The following CNTNAP2 variants were observed in gnomAD, a reference collection of about 807,000 sequenced individuals.
The protein encoded by CNTNAP2 is contactin associated protein 2.
In CNTNAP2, 98 loss-of-function variants were observed where a neutral mutation model predicts 155.2. The observed-to-expected ratio is 0.63, with a 90% CI of 0.54 to 0.75. The LOEUF (loss-of-function observed/expected upper bound fraction) is 0.75. CNTNAP2 is among the 30% of genes least tolerant of loss of function. CNTNAP2 has a pLI of 0.00. For synonymous variants in CNTNAP2, 651 were observed against 631.2 expected (o/e 1.03, Z -0.47); for missense variants, 1,727 against 1,688.1 (o/e 1.02, Z -0.40).
At chr7:146,642,629 G>A (rs1387978498) in intron 1 of CNTNAP2, among the ~76,000 whole-genome samples, 1 of 151,860 alleles carries the variant, frequency 6.6e-6, no homozygotes, top group Non-Finnish European at 1.5e-5. Context: ...ACGTGTGCAT[G>A]TGTCTTTATA....
In CNTNAP2 at chr7:147,518,900, G is replaced by A. The variant is rs888496392; in HGVS notation, c.1777+32859G>A. On this transcript the variant is annotated intron_variant, in intron 11 of 23. Coordinates refer to ENST00000361727, the MANE Select transcript of CNTNAP2 (RefSeq NM_014141.6). The stretch of plus-strand genomic sequence containing the variant: ...ACAAAAATTAGCAGGGAGTGGTGGC[G>A]GGCGCCTGTAGTTCCAGATACTCGG... 5.3e-5 allele frequency among the ~76,000 whole-genome samples: 8 copies of A among 151,708 alleles called. No homozygotes were observed. In the East Asian group the frequency reaches 5.9e-4, roughly 11 times the overall value.
chr7:146,425,564 G>A (rs1796075553), intron 1 of CNTNAP2, among the ~76,000 whole-genome samples: 2 of 152,140 alleles, frequency 1.3e-5, no homozygotes, highest in Non-Finnish European at 2.9e-5. Flanking sequence ...AGAAATTCAG[G>A]AAACTGGGCA....
intron 1 of CNTNAP2, among the ~76,000 whole-genome samples, chr7:146,757,122 C>T (rs1041841631): frequency 1.1e-4 from 17 of 151,966 alleles, no homozygotes; most frequent in South Asian, 2.1e-4. Context: ...AGAACAAATG[C>T]GATGACATAA....
At chr7:147,926,942 G>C (rs1461661165) in intron 14 of CNTNAP2, among the ~76,000 whole-genome samples, 1 of 152,096 alleles carries the variant, frequency 6.6e-6, no homozygotes, top group Non-Finnish European at 1.5e-5. Flanking sequence ...TAATTGCATA[G>C]TTAGTTACAA....
At chr7:147,330,831 T>C (rs1795550712) in intron 9 of CNTNAP2, among the ~76,000 whole-genome samples, 1 of 152,174 alleles carries the variant, frequency 6.6e-6, no homozygotes, top group Non-Finnish European at 1.5e-5. Context: ...TTCCCTACTC[T>C]GATTATAACA....
At chr7:147,864,227 C>T (rs559186091) in intron 13 of CNTNAP2, among the ~76,000 whole-genome samples, 65 of 152,278 alleles carry the variant, frequency 4.3e-4, no homozygotes, top group Middle Eastern at 3.4e-3. Flanking sequence ...TGTCAAAGAT[C>T]CAATGGTTAT....
intron 14 of CNTNAP2, among the ~76,000 whole-genome samples, chr7:147,973,930 G>A (rs1042673240): frequency 1.3e-5 from 2 of 152,034 alleles, no homozygotes; most frequent in Non-Finnish European, 2.9e-5. Flanking sequence ...CTCACTTAAT[G>A]AATCATGATA....
At chr7:146,614,243 A>T (rs188292618) in intron 1 of CNTNAP2, among the ~76,000 whole-genome samples, 7 of 152,332 alleles carry the variant, frequency 4.6e-5, no homozygotes, top group Admixed American at 3.3e-4. Flanking sequence ...AAATTGACTA[A>T]TAACTGATTA....
rs531816396 is a variant in CNTNAP2 at position 146,302,279 on chromosome 7, A to T, written c.97+185306A>T. ...TTTTGTTATTATTTACAGATGATTT[A>T]AAAATATTTAGACAATCGCAACTTC... On this transcript the variant is annotated intron_variant, in intron 1 of 23. Transcript: ENST00000361727. Among the ~76,000 whole-genome samples the T allele has an allele frequency of 3.9e-5, 6 of 152,308 alleles. No individual in the cohort carries two copies. The East Asian group carries it at 5.8e-4, about 15-fold the overall frequency.
intron 1 of CNTNAP2, among the ~76,000 whole-genome samples, chr7:146,470,085 C>T (rs547906203): frequency 2.0e-5 from 3 of 151,938 alleles, no homozygotes; most frequent in Admixed American, 6.6e-5. Context: ...GTGATCTGCC[C>T]GTCTCGGCCT....
intron 11 of CNTNAP2, among the ~76,000 whole-genome samples, chr7:147,520,233 A>G (rs1293070962): frequency 1.3e-5 from 2 of 152,224 alleles, no homozygotes; most frequent in Admixed American, 1.3e-4. Context: ...ATGTTAATGT[A>G]TTTCCATAGT....
rs372813602 is a variant in CNTNAP2, at chr7:148,153,680, C to T, written c.2773+5971C>T. On this transcript the variant is annotated intron_variant, in intron 17 of 23. Coordinates refer to ENST00000361727, the MANE Select transcript of CNTNAP2 (RefSeq NM_014141.6). ...CAATGCCAGGCTGGATTGAGCAAAG[C>T]CAGCTTTGGCAGAGACATACAAGGA... 1.6e-4 allele frequency among the ~76,000 whole-genome samples: 25 copies of T among 152,328 alleles called. No homozygotes were observed. In the South Asian group the frequency reaches 1.9e-3, roughly 11 times the overall value.
intron 13 of CNTNAP2, among the ~76,000 whole-genome samples, chr7:147,804,866 T>G (rs1183539261): frequency 3.9e-5 from 6 of 152,086 alleles, no homozygotes; most frequent in African/African-American, 1.4e-4. Context: ...GCTTCAGTTT[T>G]TAACCTCACC....
chr7:147,346,144 TTTTATTTTA>T (rs1795854353), intron 9 of CNTNAP2, among the ~76,000 whole-genome samples: 1 of 7,906 alleles, frequency 1.3e-4, no homozygotes, highest in African/African-American at 2.2e-3. Flanking sequence ...TTTTATTTTA[TTTTATTTTA>T]TTTTTTTTTT....
intron 1 of CNTNAP2, among the ~76,000 whole-genome samples, chr7:146,600,633 G>C (rs1798936708): frequency 6.6e-6 from 1 of 152,026 alleles, no homozygotes; most frequent in South Asian, 2.1e-4. Flanking sequence ...TTTGTATCCA[G>C]GCATGCGTAT....
At chr7:146,976,829 T>A (rs1797920814) in intron 3 of CNTNAP2, among the ~76,000 whole-genome samples, 1 of 152,236 alleles carries the variant, frequency 6.6e-6, no homozygotes, top group Non-Finnish European at 1.5e-5. Context: ...CTGTCTGCTC[T>A]GTCGATTCTT....
intron 12 of CNTNAP2, among the ~76,000 whole-genome samples, chr7:147,626,949 C>T (rs191598059): frequency 2.9e-4 from 44 of 152,326 alleles, no homozygotes; most frequent in African/African-American, 1.0e-3. Context: ...AGAGCAGGTG[C>T]TGGTATCCAT....
chr7:148,391,335 G>A (rs913446916), intron 22 of CNTNAP2, among the ~76,000 whole-genome samples: 1 of 146,470 alleles, frequency 6.8e-6, no homozygotes. Context: ...GAAACACTGG[G>A]CAGTAGAGAA....
intron 17 of CNTNAP2, among the ~76,000 whole-genome samples, chr7:148,147,956 G>C (rs974373586): frequency 6.6e-6 from 1 of 152,054 alleles, no homozygotes; most frequent in Non-Finnish European, 1.5e-5. Context: ...CAGAGTGCAG[G>C]CTGAGACATC....
Sources: gnomAD v4.1 joint callset for allele counts (sites outside exome capture counted in the v4.1 genomes callset) on GRCh38, gnomAD v4.1.1 for gene constraint, MANE v1.5 for transcripts, NCBI Gene and HGNC (gene_info 2026-07-23, HGNC 2026-07-21) for gene names.